The following CANX variants were observed in gnomAD, a reference collection of about 807,000 sequenced individuals.
CANX encodes epididymis secretory sperm binding protein.
In CANX, 14 loss-of-function variants were observed where a neutral mutation model predicts 75.7. That is an observed-to-expected ratio of 0.19 (90% CI 0.12 to 0.29). The LOEUF (loss-of-function observed/expected upper bound fraction) is 0.29. Among genes scored for constraint, CANX ranks in the 10% least tolerant of loss-of-function variants. The probability of loss-of-function intolerance (pLI) is 1.00; values close to 1 mark genes in which losing one functional copy is unlikely to be tolerated. For synonymous variants in CANX, 227 were observed against 236.9 expected (o/e 0.96, Z 0.38); for missense variants, 567 against 713.2 (o/e 0.79, Z 2.34).
intron 1 of CANX, among the ~76,000 whole-genome samples, chr5:179,690,111 G>C (rs1172603522): frequency 6.6e-6 from 1 of 152,174 alleles, no homozygotes; most frequent in Non-Finnish European, 1.5e-5. Context: ...ATCACACTGG[G>C]TGTGAATGTC....
intron 1 of CANX, among the ~76,000 whole-genome samples, chr5:179,680,191 AG>A (rs1316106731): frequency 1.3e-5 from 2 of 152,028 alleles, no homozygotes; most frequent in East Asian, 3.9e-4. Flanking sequence ...GAAGCTGGGA[AG>A]GTGGACCAGT....
chr5:179,685,891 A>C (rs1776182299), intron 1 of CANX, among the ~76,000 whole-genome samples: 1 of 151,618 alleles, frequency 6.6e-6, no homozygotes, highest in Admixed American at 6.6e-5. Context: ...GGGTTTCACC[A>C]TGTTTGCCAG....
At position 179,680,878 on chromosome 5, in the gene CANX, C is replaced by T. The variant is rs1291158900; in HGVS notation, c.-4+2101C>T. On this transcript the variant is annotated intron_variant, in intron 1 of 14. Coordinates refer to the CANX transcript ENST00000681674. The stretch of plus-strand genomic sequence containing the variant: ...AGAGGCTGGATGGTACATACCATCC[C>T]CAAGATCTGGTTCAGGGAGATGGTC... 3.3e-6 allele frequency: 5 copies of T among 1,536,566 alleles called. No individual in the cohort carries two copies. In the Admixed American group the frequency reaches 7.9e-5, roughly 24 times the overall value.
chr5:179,704,291 G>C (rs995992904), intron 1 of CANX: 3 of 152,214 alleles, frequency 2.0e-5, no homozygotes, highest in Admixed American at 1.3e-4. Flanking sequence ...ACTTTGGAAG[G>C]CCGAGGCGGG....
At chr5:179,713,623 A>G (rs1039129111) in intron 7 of CANX, among the ~76,000 whole-genome samples, 4 of 152,166 alleles carry the variant, frequency 2.6e-5, no homozygotes, top group African/African-American at 9.6e-5. Flanking sequence ...AATACAAAGA[A>G]AAAGTAAATG....
chr5:179,719,235 A>C (rs1334731373), intron 8 of CANX, among the ~76,000 whole-genome samples: 1 of 152,230 alleles, frequency 6.6e-6, no homozygotes, highest in Non-Finnish European at 1.5e-5. Context: ...CCAGCAGTGT[A>C]TGAGGGTTTC....
chr5:179,723,514 A>G (rs1778445382), intron 11 of CANX, 146 bp from the exon 12 acceptor site: 1 of 772,236 alleles, frequency 1.3e-6, no homozygotes, highest in Non-Finnish European at 2.1e-6. Context: ...GCTTTCTCTA[A>G]TTTCTTTTTT....
intron 1 of CANX, among the ~76,000 whole-genome samples, chr5:179,684,926 ATTTTTTTTT>A (rs71001039): frequency 6.5e-4 from 32 of 49,148 alleles, no homozygotes; most frequent in African/African-American, 2.5e-3. Context: ...CTAATTTTGT[ATTTTTTTTT>A]TTTTTTTTTT....
Position 179,718,322 on chromosome 5 carries a change from G to A in CANX, c.912-1346G>A, listed in dbSNP as rs531144789. Reference sequence around the variant, plus strand: ...ATCCCAAGTAGCTGGGACTACAAGCGTGCACCACTGCACTCGTGCCTCACC... The same window carrying A: ...ATCCCAAGTAGCTGGGACTACAAGCATGCACCACTGCACTCGTGCCTCACC... On this transcript the variant is annotated intron_variant, in intron 8 of 14. Coordinates refer to ENST00000247461, the MANE Select transcript of CANX (RefSeq NM_001746.4). 3.3e-5 allele frequency among the ~76,000 whole-genome samples: 5 copies of A among 151,546 alleles called. No individual in the cohort carries two copies. The East Asian group carries it at 9.7e-4, about 30-fold the overall frequency.
chr5:179,728,492 C>G, intron 14 of CANX, 99 bp from the exon 15 acceptor site: 1 of 713,348 alleles, frequency 1.4e-6, no homozygotes, highest in Non-Finnish European at 2.4e-6. Flanking sequence ...TTTTTTTCCT[C>G]AAATAAGTTA....
chr5:179,694,380 A>G (rs1194199290), upstream of CANX: 1 of 600,782 alleles, frequency 1.7e-6, no homozygotes, highest in African/African-American at 1.9e-5. Context: ...TGAAATGGCA[A>G]AGACGGATAA....
At chr5:179,684,282 C>T (rs1286526472) in intron 1 of CANX, among the ~76,000 whole-genome samples, 4 of 152,008 alleles carry the variant, frequency 2.6e-5, no homozygotes, top group South Asian at 4.2e-4. Context: ...GGGGTCTTAC[C>T]GTGGTGCCTA....
intron 7 of CANX, among the ~76,000 whole-genome samples, chr5:179,714,499 CT>C (rs1000146980): frequency 3.7e-4 from 56 of 151,938 alleles, no homozygotes; most frequent in African/African-American, 1.3e-3. Context: ...CTATATCTAA[CT>C]TTTTTATTTT....
intron 7 of CANX, among the ~76,000 whole-genome samples, chr5:179,712,424 T>A (rs1581868253): frequency 7.5e-6 from 1 of 134,120 alleles, no homozygotes; most frequent in South Asian, 2.3e-4. Context: ...TATAATAACC[T>A]TTTTTTTTTT....
chr5:179,718,138 C>G (rs1455733083), intron 8 of CANX, among the ~76,000 whole-genome samples: 1 of 152,182 alleles, frequency 6.6e-6, no homozygotes, highest in African/African-American at 2.4e-5. Flanking sequence ...TCTCAAGTAG[C>G]TGGGACTGCA....
At chr5:179,711,146 A>G (rs577891957) in intron 7 of CANX, among the ~76,000 whole-genome samples, 1 of 152,242 alleles carries the variant, frequency 6.6e-6, no homozygotes, top group South Asian at 2.1e-4. Context: ...CTTCTTGGCC[A>G]CGTATGGTGG....
Position 179,719,762 on chromosome 5 carries a change from G to T in CANX, c.1006G>T (p.Ala336Ser). Residue 336 changes from alanine (A) to serine (S), a missense_variant, in exon 9 of 15, where the codon GCA (alanine) becomes TCA (serine). Ala to Ser is a moderately conservative substitution (Grantham distance 99, BLOSUM62 1). Transcript: ENST00000247461. Reference sequence around the variant, plus strand: ...GCCTGAGTACGTACCTGATCCAGACGCAGAGAAACCTGAGGATTGGTAAGA... The same window carrying T: ...GCCTGAGTACGTACCTGATCCAGACTCAGAGAAACCTGAGGATTGGTAAGA... Reference protein sequence around the residue: ...DEPEYVPDPDAEKPEDWDEDM... With the variant: ...DEPEYVPDPDSEKPEDWDEDM... 3 of 1,602,118 alleles carry T rather than the reference G, an allele frequency of 1.9e-6. No individual in the cohort carries two copies. The South Asian group carries it at 3.3e-5, about 18-fold the overall frequency.
chr5:179,708,156 C>T, intron 4 of CANX, 83 bp from the exon 5 acceptor site: 1 of 1,119,552 alleles, frequency 8.9e-7, no homozygotes, highest in South Asian at 1.3e-5. Context: ...TATATTTATG[C>T]AACTAGGAGG....
chr5:179,727,039 C>A (rs920851845), intron 14 of CANX, among the ~76,000 whole-genome samples: 6 of 152,162 alleles, frequency 3.9e-5, no homozygotes, highest in Admixed American at 1.3e-4. Flanking sequence ...AAGGAAACTT[C>A]GGGTCATTAA....
Sources: allele counts gnomAD v4.1 joint callset (sites outside exome capture counted in the v4.1 genomes callset), GRCh38; gene constraint gnomAD v4.1.1; transcripts MANE v1.5; gene names NCBI Gene and HGNC (gene_info 2026-07-23, HGNC 2026-07-21).